The following TAOK3 variants were observed in gnomAD, a reference collection of about 807,000 sequenced individuals.
The protein encoded by TAOK3 is serine/threonine-protein kinase TAO3.
TAOK3 carries 40 observed loss-of-function variants against 120.4 expected under a neutral mutation model. The ratio of observed to expected loss-of-function variants is 0.33; its 90% CI spans 0.26 to 0.43. The LOEUF (loss-of-function observed/expected upper bound fraction) is 0.43. Among genes scored for constraint, TAOK3 ranks in the 20% least tolerant of loss-of-function variants. TAOK3 has a pLI of 1.00. For missense variants in TAOK3, 821 were observed against 1,112.1 expected (o/e 0.74, Z 3.72); for synonymous variants, 355 against 387.5 (o/e 0.92, Z 0.99).
intron 1 of TAOK3, among the ~76,000 whole-genome samples, chr12:118,340,681 G>A (rs370348992): frequency 1.3e-5 from 2 of 151,344 alleles, no homozygotes; most frequent in East Asian, 1.9e-4. Context: ...CATGGCCCAC[G>A]TACTTCCCAC....
At chr12:118,293,819 G>A (rs1326980038) in intron 1 of TAOK3, among the ~76,000 whole-genome samples, 1 of 151,706 alleles carries the variant, frequency 6.6e-6, no homozygotes, top group Non-Finnish European at 1.5e-5. Flanking sequence ...TTCGAGACCA[G>A]CCTGACCCAC....
At chr12:118,259,536 T>C (rs2041135126) in intron 2 of TAOK3, among the ~76,000 whole-genome samples, 2 of 151,810 alleles carry the variant, frequency 1.3e-5, no homozygotes, top group Admixed American at 1.3e-4. Context: ...TAAGACCCTA[T>C]CTCAAAAAAC....
intron 16 of TAOK3, among the ~76,000 whole-genome samples, chr12:118,175,632 G>GA (rs897388033): frequency 4.0e-5 from 6 of 148,198 alleles, no homozygotes; most frequent in Non-Finnish European, 6.0e-5. Context: ...CATCTCAAAA[G>GA]AAAAAAAAAT....
intron 1 of TAOK3, among the ~76,000 whole-genome samples, chr12:118,314,898 A>G (rs2043391625): frequency 1.3e-5 from 2 of 152,196 alleles, no homozygotes; most frequent in East Asian, 1.9e-4. Flanking sequence ...GCATGGGCAC[A>G]TGAAGGAGTT....
chr12:118,246,150 G>C, intron 3 of TAOK3: 2 of 1,434,924 alleles, frequency 1.4e-6, no homozygotes, highest in South Asian at 2.5e-5. Context: ...GGGGAACCGC[G>C]GTGGCTTCCG....
intron 2 of TAOK3, among the ~76,000 whole-genome samples, chr12:118,256,494 G>A (rs904030191): frequency 6.6e-6 from 1 of 152,004 alleles, no homozygotes; most frequent in Admixed American, 6.6e-5. Flanking sequence ...ATAACCAGAA[G>A]ATGGAAAAAC....
chr12:118,209,118 G>A (rs934505183), intron 11 of TAOK3, among the ~76,000 whole-genome samples: 23 of 152,130 alleles, frequency 1.5e-4, no homozygotes, highest in African/African-American at 2.2e-4. Context: ...TCCTAAATGC[G>A]TTGGTTAAAC....
chr12:118,291,656 A>G (rs1234879691), intron 1 of TAOK3, among the ~76,000 whole-genome samples: 2 of 152,092 alleles, frequency 1.3e-5, no homozygotes, highest in Non-Finnish European at 1.5e-5. Context: ...AATTATCAGC[A>G]CTCTCAACTA....
chr12:118,343,891 A>G (rs994571216), intron 1 of TAOK3, among the ~76,000 whole-genome samples: 15 of 151,966 alleles, frequency 9.9e-5, no homozygotes, highest in African/African-American at 3.6e-4. Flanking sequence ...AGATGCCTGT[A>G]GTCCCAGCTA....
At chr12:118,311,332 G>A in intron 1 of TAOK3, among the ~76,000 whole-genome samples, 1 of 152,104 alleles carries the variant, frequency 6.6e-6, no homozygotes, top group East Asian at 1.9e-4. Context: ...GTGGTAGTGG[G>A]CACCTGTAAT....
intron 1 of TAOK3, among the ~76,000 whole-genome samples, chr12:118,284,739 C>G (rs2042206062): frequency 6.6e-6 from 1 of 151,794 alleles, no homozygotes; most frequent in African/African-American, 2.4e-5. Context: ...CTATGGTAAC[C>G]CAGGCAAAGA....
intron 2 of TAOK3, among the ~76,000 whole-genome samples, chr12:118,266,429 TG>T (rs2041453383): frequency 6.6e-6 from 1 of 151,976 alleles, no homozygotes; most frequent in African/African-American, 2.4e-5. Flanking sequence ...CTCGAACTCC[TG>T]ACCTCAGGTG....
At chr12:118,302,092 T>C (rs186886495) in intron 1 of TAOK3, among the ~76,000 whole-genome samples, 10 of 152,314 alleles carry the variant, frequency 6.6e-5, no homozygotes, top group Admixed American at 3.3e-4. Flanking sequence ...TTTTTTGTCA[T>C]TCTCTGTCCC....
intron 1 of TAOK3, among the ~76,000 whole-genome samples, chr12:118,269,621 C>T (rs1184529850): frequency 1.3e-5 from 2 of 151,982 alleles, no homozygotes; most frequent in African/African-American, 2.4e-5. Context: ...GCACCTGCCT[C>T]GGCCTCCCAA....
intron 1 of TAOK3, among the ~76,000 whole-genome samples, chr12:118,287,232 T>C (rs904902166): frequency 5.3e-5 from 8 of 152,108 alleles, no homozygotes; most frequent in African/African-American, 1.9e-4. Context: ...AAAAATTAAA[T>C]TAAATTTAAA....
intron 1 of TAOK3, among the ~76,000 whole-genome samples, chr12:118,284,705 G>T (rs1045956699): frequency 1.3e-5 from 2 of 152,096 alleles, no homozygotes; most frequent in Non-Finnish European, 2.9e-5. Flanking sequence ...CTTGTGTAAG[G>T]TAGACAGGAA....
intron 14 of TAOK3, 122 bp downstream of exon 14, chr12:118,189,685 G>A: frequency 8.2e-7 from 1 of 1,219,884 alleles, no homozygotes; most frequent in East Asian, 2.4e-5. Flanking sequence ...TTAGGAGAGA[G>A]AAAACATTCT....
intron 13 of TAOK3, chr12:118,198,846 A>C: frequency 1.7e-6 from 1 of 584,840 alleles, no homozygotes; most frequent in Non-Finnish European, 3.1e-6. Context: ...CAGAGTAATG[A>C]GAGAGGGAGA....
chr12:118,326,699 TAC>T (rs1462713370), intron 1 of TAOK3, among the ~76,000 whole-genome samples: 1 of 152,232 alleles, frequency 6.6e-6, no homozygotes, highest in East Asian at 1.9e-4. Flanking sequence ...TCTTGAATTT[TAC>T]CAGCACATTA....
Sources: allele counts gnomAD v4.1 joint callset (sites outside exome capture counted in the v4.1 genomes callset), GRCh38; gene constraint gnomAD v4.1.1; transcripts MANE v1.5; gene names NCBI Gene and HGNC (gene_info 2026-07-23, HGNC 2026-07-21).